SLC47A1: variants seen among roughly 807,000 people sequenced by gnomAD.
SLC47A1 encodes multidrug and toxin extrusion protein 1.
Under a neutral mutation model 65.8 loss-of-function variants are expected in SLC47A1, and 58 were observed. That is an observed-to-expected ratio of 0.88 (90% CI 0.71 to 1.10). The LOEUF (loss-of-function observed/expected upper bound fraction) is 1.10. Ranked by LOEUF, SLC47A1 falls within the 50% of genes least tolerant of loss-of-function variation. The pLI, the probability that SLC47A1 is intolerant of heterozygous loss-of-function variation, is 0.00. For synonymous variants in SLC47A1, 285 were observed against 295.0 expected, an observed-to-expected ratio of 0.97 and a Z score of 0.35; for missense variants, 706 against 719.2, an observed-to-expected ratio of 0.98 and a Z score of 0.21.
At chr17:19,541,223 G>C (rs980371623) in intron 1 of SLC47A1, among the ~76,000 whole-genome samples, 14 of 152,172 alleles carry the variant, frequency 9.2e-5, no homozygotes, top group African/African-American at 3.4e-4. Flanking sequence ...ACCAACTCTG[G>C]GGTATCAGCT....
chr17:19,534,020 G>A lies in SLC47A1; in HGVS notation c.81G>A (p.Arg27=), dbSNP rs140752680. ...AGGTCCGTGGGTCGCGCTGCTTGCG[G>A]CTGTCCGCCTTCCGAGAAGAGCTGC... The part of the protein sequence containing the change: ...TLEVRGSRCL[R]LSAFREELRA... Residue 27 remains arginine, a synonymous_variant, in exon 1 of 17, where the codon CGG becomes CGA. Coordinates refer to ENST00000270570, the MANE Select transcript of SLC47A1 (RefSeq NM_018242.3). 943 of 1,546,466 alleles carry A rather than the reference G, an allele frequency of 6.1e-4. 7 individuals carry two copies. The African/African-American group carries it at 0.012, about 19-fold the overall frequency.
intron 14 of SLC47A1, among the ~76,000 whole-genome samples, chr17:19,568,930 G>A (rs1313723845): frequency 6.6e-6 from 1 of 151,784 alleles, no homozygotes; most frequent in Non-Finnish European, 1.5e-5. Context: ...TTGCTATGTT[G>A]CCCAGGCTGG....
At chr17:19,571,406 A>G in intron 14 of SLC47A1, 72 bp from the exon 15 acceptor site, 1 of 1,326,316 alleles carries the variant, frequency 7.5e-7, no homozygotes, top group East Asian at 2.3e-5. Flanking sequence ...GAAGTGATAT[A>G]GGCAAAACAT....
intron 16 of SLC47A1, among the ~76,000 whole-genome samples, chr17:19,573,663 G>A (rs916302567): frequency 2.0e-5 from 3 of 152,042 alleles, no homozygotes; most frequent in Non-Finnish European, 2.9e-5. Context: ...GATTACAGGC[G>A]TGAGCCACCA....
intron 7 of SLC47A1, 22 bp downstream of exon 7, chr17:19,555,331 G>A (rs1231417805): frequency 6.2e-7 from 1 of 1,612,440 alleles, no homozygotes; most frequent in Non-Finnish European, 8.5e-7. Context: ...ATACTCTTGG[G>A]ACAGGGAGAA....
At position 19,577,930 on chromosome 17, in the gene SLC47A1, C is replaced by T. The variant is rs1281043539; in HGVS notation, c.*377C>T. 3 of 1,261,296 alleles carry T rather than the reference C, an allele frequency of 2.4e-6. No homozygotes were observed. The highest frequency in any genetic ancestry group is 3.1e-5 in the African/African-American group (2 of 64,344). 78.1% of individuals were successfully genotyped at this position (1,261,296 alleles called of 1,614,324 possible). A position where few individuals can be genotyped will look rare whatever the true frequency, so the allele number is the denominator to read the frequency against. On this transcript the variant is annotated 3_prime_UTR_variant, in exon 17 of 17. Transcript: ENST00000270570. ...ATGTAAAATATATTTTACAGTATAT[C>T]TTTCCTTGGGCCTTAGATTACTATT...
chr17:19,577,511 G>A lies in SLC47A1; in HGVS notation c.1671G>A (p.Leu557=). Residue 557 remains leucine, a synonymous_variant, in exon 17 of 17, where the codon TTG becomes TTA. Transcript: ENST00000270570. ...TGCTCCTGGGGGTCTTCTTAATCTT[G>A]CTGGTGGGGATTTTAGTGAGATTCT... The part of the protein sequence containing the change: ...GLLLLGVFLI[L]LVGILVRFYV... 6 of 1,614,166 alleles carry A rather than the reference G, an allele frequency of 3.7e-6. No individual in the cohort carries two copies. Among genetic ancestry groups the A allele is most frequent in the Non-Finnish European group, 5.1e-6 (6 of 1,180,030 alleles).
At chr17:19,551,548 C>T (rs1336650930) in intron 6 of SLC47A1, 80 bp downstream of exon 6, 3 of 1,308,960 alleles carry the variant, frequency 2.3e-6, no homozygotes, top group East Asian at 2.3e-5. Context: ...GAAGATACTC[C>T]AGGACCAGGG....
intron 16 of SLC47A1, 127 bp downstream of exon 16, chr17:19,572,988 C>A: frequency 1.3e-6 from 1 of 775,280 alleles, no homozygotes; most frequent in Non-Finnish European, 2.2e-6. Flanking sequence ...GTTTCAGAAA[C>A]ACATGATAAA....
At position 19,560,445 on chromosome 17, in the gene SLC47A1, T is replaced by C; in HGVS notation, c.1058T>C (p.Leu353Pro). The C allele has an allele frequency of 6.2e-7, 1 of 1,614,238 alleles. No individual in the cohort carries two copies. Among genetic ancestry groups the C allele is most frequent in the Non-Finnish European group, 8.5e-7 (1 of 1,180,052 alleles). ...TVLFAVAFSV[L>P]LLSCKDHVGY... ...CTCTTTGCTGTAGCCTTCAGTGTCC[T>C]GCTGTTAAGCTGTAAGGATCACGTG... The change falls in exon 12 of 17, where the codon CTG (leucine) becomes CCG (proline). Residue 353 changes from leucine (L) to proline (P), a missense_variant. Leu to Pro is a moderately conservative substitution (Grantham distance 98). Coordinates refer to ENST00000270570, the MANE Select transcript of SLC47A1 (RefSeq NM_018242.3).
At chr17:19,543,260 C>A (rs1916199061) in intron 2 of SLC47A1, among the ~76,000 whole-genome samples, 1 of 151,886 alleles carries the variant, frequency 6.6e-6, no homozygotes, top group Non-Finnish European at 1.5e-5. Flanking sequence ...CAGGTGCCTG[C>A]CACCATGTCT....
At chr17:19,571,277 C>T (rs2084397620) in intron 14 of SLC47A1, among the ~76,000 whole-genome samples, 1 of 152,090 alleles carries the variant, frequency 6.6e-6, no homozygotes, top group South Asian at 2.1e-4. Context: ...TCAAGGAGTA[C>T]TGGGCTTTCC....
At chr17:19,558,056 TTGTCACA>T in intron 10 of SLC47A1, 1 of 207,006 alleles carries the variant, frequency 4.8e-6, no homozygotes, top group Non-Finnish European at 1.0e-5. Flanking sequence ...TTCACCAGTT[TTGTCACA>T]TTTATTCTGT....
rs1467027231 is a variant in SLC47A1 at position 19,555,659 on chromosome 17, C to CG, written c.711dup (p.Lys238GlufsTer41). Reference sequence around the variant, plus strand: ...CTCTACTCCTCTTTCTCTACATCCTCGGGAAAAAACTGCATCAAGCTACAT... The same window carrying CG: ...CTCTACTCCTCTTTCTCTACATCCTCGGGGAAAAAACTGCATCAAGCTACAT... On this transcript the variant is annotated frameshift_variant, in exon 8 of 17. Coordinates refer to ENST00000270570, the MANE Select transcript of SLC47A1 (RefSeq NM_018242.3). LOFTEE classifies it high-confidence loss of function. 4 of 1,614,096 alleles carry CG rather than the reference C, an allele frequency of 2.5e-6. No individual in the cohort carries two copies. The highest frequency in any genetic ancestry group is 3.4e-6 in the Non-Finnish European group (4 of 1,180,056).
chr17:19,555,359 GT>G (rs764122383), intron 7 of SLC47A1, 50 bp downstream of exon 7: 250 of 1,593,082 alleles, frequency 1.6e-4, no homozygotes, highest in Non-Finnish European at 2.0e-4. Flanking sequence ...CTTGCATGTG[GT>G]TTTTCCAGGA....
chr17:19,562,750 C>A (rs1177206179), intron 12 of SLC47A1, among the ~76,000 whole-genome samples: 1 of 151,734 alleles, frequency 6.6e-6, no homozygotes, highest in Non-Finnish European at 1.5e-5. Flanking sequence ...ACCATACAGC[C>A]CAGGAAAAGA....
chr17:19,534,771 TTTC>T (rs1301170858), intron 1 of SLC47A1: 3 of 152,136 alleles, frequency 2.0e-5, no homozygotes, highest in Non-Finnish European at 2.9e-5. Context: ...GTGGGATTCT[TTTC>T]TTTTTAATCA....
intron 13 of SLC47A1, 78 bp downstream of exon 13, chr17:19,566,937 A>G (rs1597509841): frequency 6.9e-6 from 11 of 1,589,700 alleles, no homozygotes; most frequent in East Asian, 4.5e-5. Context: ...AGGAGGGGCC[A>G]GCATAGGTAG....
At chr17:19,534,217 C>T in intron 1 of SLC47A1, 143 bp downstream of exon 1, 1 of 1,098,680 alleles carries the variant, frequency 9.1e-7, no homozygotes, top group Non-Finnish European at 1.2e-6. Context: ...TGCCAGGAGC[C>T]GGGCGGGCAC....
Sources: allele counts gnomAD v4.1 joint callset (sites outside exome capture counted in the v4.1 genomes callset), GRCh38; gene constraint gnomAD v4.1.1; transcripts MANE v1.5; gene names NCBI Gene and HGNC (gene_info 2026-07-23, HGNC 2026-07-21).